Variants in PPP2R2C observed in about 807,000 individuals in gnomAD.
PPP2R2C encodes the protein protein phosphatase 2 regulatory subunit Bgamma.
In PPP2R2C, 10 loss-of-function variants were observed where a neutral mutation model predicts 45.3. That is an observed-to-expected ratio of 0.22 (90% CI 0.14 to 0.37). The LOEUF is 0.37. Ranked by LOEUF, PPP2R2C falls within the 10% of genes least tolerant of loss-of-function variation. PPP2R2C has a pLI of 1.00. For synonymous variants in PPP2R2C, 257 were observed against 245.4 expected (o/e 1.05, Z -0.44); for missense variants, 308 against 619.7 (o/e 0.50, Z 5.34).
At chr4:6,482,755 G>A (rs1261569574) in intron 2 of PPP2R2C, among the ~76,000 whole-genome samples, 1 of 152,148 alleles carries the variant, frequency 6.6e-6, no homozygotes, top group Non-Finnish European at 1.5e-5. Context: ...TCCAATGCAA[G>A]GCAGTATTGA....
rs574728911 is a variant in PPP2R2C, at chr4:6,390,541, C to G, written c.71-9447G>C. ...ATGTCACCCTCCAGCAGGGAGCACG[C>G]CGGGCGGCGGGCGCATGGGAGGGGA... On this transcript the variant is annotated intron_variant, in intron 1 of 8. Coordinates refer to ENST00000382599, the MANE Select transcript of PPP2R2C (RefSeq NM_020416.4). Among the ~76,000 whole-genome samples the G allele has an allele frequency of 2.6e-5, 4 of 152,348 alleles. No homozygotes were observed. The South Asian group carries it at 8.3e-4, about 32-fold the overall frequency.
At chr4:6,406,639 C>T (rs1249660368) in intron 1 of PPP2R2C, among the ~76,000 whole-genome samples, 1 of 152,068 alleles carries the variant, frequency 6.6e-6, no homozygotes, top group Non-Finnish European at 1.5e-5. Flanking sequence ...CACCTGTAAT[C>T]TCAGCTACTC....
At position 6,529,153 on chromosome 4, in the gene PPP2R2C, C is replaced by T. The variant is rs555364184; in HGVS notation, c.49+6118G>A. Among the ~76,000 whole-genome samples, 19 of 152,338 alleles carry T rather than the reference C, an allele frequency of 1.2e-4. No homozygotes were observed. In the East Asian group the frequency reaches 1.4e-3, roughly 11 times the overall value. On this transcript the variant is annotated intron_variant, in intron 2 of 9. Transcript: ENST00000506140. ...GCTGGAGGACGAGGGGCTGCTGGGCCGTAGGCCTGAACATCTGGCAGCCTC... is the reference window on the plus strand; with the variant it reads ...GCTGGAGGACGAGGGGCTGCTGGGCTGTAGGCCTGAACATCTGGCAGCCTC...
intron 6 of PPP2R2C, among the ~76,000 whole-genome samples, chr4:6,341,763 G>A (rs1733460801): frequency 6.6e-6 from 1 of 152,140 alleles, no homozygotes; most frequent in Non-Finnish European, 1.5e-5. Flanking sequence ...GCAGAGGTTG[G>A]AATGATGAGC....
chr4:6,387,802 G>C (rs1429719898), intron 1 of PPP2R2C, among the ~76,000 whole-genome samples: 2 of 111,280 alleles, frequency 1.8e-5, no homozygotes, highest in Non-Finnish European at 3.5e-5. Flanking sequence ...GGCGACAACA[G>C]TGAAGAAAAA....
chr4:6,422,463 G>GT (rs1341340726), intron 1 of PPP2R2C, among the ~76,000 whole-genome samples: 1 of 152,158 alleles, frequency 6.6e-6, no homozygotes, highest in Non-Finnish European at 1.5e-5. Context: ...ATTAAATTTG[G>GT]TAACTGTATT....
chr4:6,555,039 T>C (rs895456031), intron 1 of PPP2R2C, among the ~76,000 whole-genome samples: 1 of 152,064 alleles, frequency 6.6e-6, no homozygotes, highest in African/African-American at 2.4e-5. Flanking sequence ...TTCTGGAGGC[T>C]GAGAAGTCCA....
intron 1 of PPP2R2C, chr4:6,420,861 A>G: frequency 1.1e-6 from 1 of 875,314 alleles, no homozygotes; most frequent in African/African-American, 1.8e-5. Flanking sequence ...CTGTGCTGGC[A>G]CACACACTTG....
At position 6,331,185 on chromosome 4, in the gene PPP2R2C, C is replaced by A. The variant is rs948622978; in HGVS notation, c.961-1832G>T. 7.2e-5 allele frequency among the ~76,000 whole-genome samples: 11 copies of A among 152,198 alleles called. 1 individual carries two copies. Among genetic ancestry groups the A allele is most frequent in the Admixed American group, 7.2e-4 (11 of 15,288 alleles). The stretch of plus-strand genomic sequence containing the variant: ...CCTTGGTGATGCACGCGTCCAAATG[C>A]GCATGCTGTTCTCTCTGCCGTGCAC... On this transcript the variant is annotated intron_variant, in intron 7 of 8. Coordinates refer to ENST00000382599, the MANE Select transcript of PPP2R2C (RefSeq NM_020416.4). This position sits in a 1 kb window ranked among gnomAD's most constrained non-coding sequence, Gnocchi z 5.9.
rs550885364 is a variant in PPP2R2C at position 6,322,649 on chromosome 4, C to T, written c.*653G>A. 6.6e-6 allele frequency: 1 copy of T among 152,232 alleles called. No homozygotes were observed. Among genetic ancestry groups the T allele is most frequent in the Non-Finnish European group, 1.5e-5 (1 of 68,062 alleles). The allele number at this position is 152,232 out of a possible 1,614,324, so 9.4% of individuals were successfully genotyped here. On this transcript the variant is annotated 3_prime_UTR_variant, in exon 9 of 9. Coordinates refer to ENST00000382599, the MANE Select transcript of PPP2R2C (RefSeq NM_020416.4). The surrounding 1 kb of genome is among the most constrained non-coding windows in gnomAD (Gnocchi z 7.8). Reference sequence around the variant, plus strand: ...ACCCCACTCCGCTCCTCTCGGGAAACCGCACCAGACCTGGGACCTGGGATG... The same window carrying T: ...ACCCCACTCCGCTCCTCTCGGGAAATCGCACCAGACCTGGGACCTGGGATG...
In PPP2R2C at chr4:6,386,184, G is replaced by A. The variant is rs186555131; in HGVS notation, c.71-5090C>T. Among the ~76,000 whole-genome samples the A allele has an allele frequency of 5.1e-4, 77 of 152,258 alleles. No homozygotes were observed. In the East Asian group the frequency reaches 0.01, roughly 20 times the overall value. On this transcript the variant is annotated intron_variant, in intron 1 of 8. Transcript: ENST00000382599. Reference sequence around the variant, plus strand: ...TGAGGCCGCAGCAGATGCTGCAGGCGGTCAGCAATTGGGAGGAACAGCCGG... The same window carrying A: ...TGAGGCCGCAGCAGATGCTGCAGGCAGTCAGCAATTGGGAGGAACAGCCGG...
chr4:6,483,532 A>ATG (rs1186921428), intron 2 of PPP2R2C, among the ~76,000 whole-genome samples: 4 of 152,058 alleles, frequency 2.6e-5, no homozygotes, highest in African/African-American at 9.7e-5. Flanking sequence ...GTGACTAATG[A>ATG]TGTTGCTCAT....
chr4:6,415,432 G>T (rs1165619174), intron 1 of PPP2R2C, among the ~76,000 whole-genome samples: 1 of 152,188 alleles, frequency 6.6e-6, no homozygotes, highest in East Asian at 1.9e-4. Context: ...AGCATGTCTG[G>T]GTCACGGTGA....
At position 6,323,001 on chromosome 4, in the gene PPP2R2C, G is replaced by A. The variant is rs1178924229; in HGVS notation, c.*301C>T. The stretch of plus-strand genomic sequence containing the variant: ...ACCGCAGACCGAGACAGGAAGGGAC[G>A]TGAATGAAAGAACCCTGAACTGTAA... On this transcript the variant is annotated 3_prime_UTR_variant, in exon 9 of 9. Coordinates refer to ENST00000382599, the MANE Select transcript of PPP2R2C (RefSeq NM_020416.4). 1.1e-5 allele frequency: 3 copies of A among 267,520 alleles called. No homozygotes were observed. Among genetic ancestry groups the A allele is most frequent in the East Asian group, 6.9e-5 (1 of 14,418 alleles). The allele number at this position is 267,520 out of a possible 1,614,324, so 16.6% of individuals were successfully genotyped here. A position where few individuals can be genotyped will look rare whatever the true frequency, so the allele number is the denominator to read the frequency against.
Position 6,378,748 on chromosome 4 carries a change from C to G in PPP2R2C, c.169-176G>C, listed in dbSNP as rs765870685. On this transcript the variant is annotated intron_variant, in intron 2 of 8. Transcript: ENST00000382599. The surrounding 1 kb of genome is among the most constrained non-coding windows in gnomAD (Gnocchi z 5.2). ...TAACCGGCCCATGACTTGCAGTGTG[C>G]CAGGGACAAGCCCCGCTCCCGTGCG... 3.2e-4 allele frequency among the ~76,000 whole-genome samples: 48 copies of G among 152,118 alleles called. No homozygotes were observed. Among genetic ancestry groups the G allele is most frequent in the Non-Finnish European group, 5.7e-4 (39 of 68,034 alleles).
intron 1 of PPP2R2C, among the ~76,000 whole-genome samples, chr4:6,549,035 C>T (rs1725089851): frequency 6.6e-6 from 1 of 152,158 alleles, no homozygotes; most frequent in South Asian, 2.1e-4. Context: ...GGCTCAGTTC[C>T]TCCCACGTGC....
At chr4:6,470,617 G>T (rs1000449816) in intron 1 of PPP2R2C, among the ~76,000 whole-genome samples, 4 of 152,174 alleles carry the variant, frequency 2.6e-5, no homozygotes, top group Non-Finnish European at 5.9e-5. Flanking sequence ...GGCCACCGAG[G>T]CACGGGCCAG....
At chr4:6,409,305 C>A (rs937309251) in intron 1 of PPP2R2C, among the ~76,000 whole-genome samples, 2 of 152,174 alleles carry the variant, frequency 1.3e-5, no homozygotes, top group African/African-American at 2.4e-5. Flanking sequence ...AAGAATGAAA[C>A]AAGCAGGTCA....
intron 1 of PPP2R2C, among the ~76,000 whole-genome samples, chr4:6,410,996 A>T (rs1213445003): frequency 1.3e-5 from 2 of 151,812 alleles, no homozygotes; most frequent in Non-Finnish European, 2.9e-5. Context: ...CAGCCCCACC[A>T]AGTAGCTGGG....
Sources: allele counts gnomAD v4.1 joint callset (sites outside exome capture counted in the v4.1 genomes callset), GRCh38; gene constraint gnomAD v4.1.1; non-coding constraint Gnocchi (gnomAD v3.1); transcripts MANE v1.5; gene names NCBI Gene and HGNC (gene_info 2026-07-23, HGNC 2026-07-21).